ANO4: variants seen among roughly 807,000 people sequenced by gnomAD.
ANO4 encodes the protein anoctamin-4.
Under a neutral mutation model 141.9 loss-of-function variants are expected in ANO4, and 69 were observed. The ratio of observed to expected loss-of-function variants is 0.49; its 90% CI spans 0.40 to 0.59. ANO4 has a LOEUF of 0.59. Ranked by LOEUF, ANO4 falls within the 20% of genes least tolerant of loss-of-function variation. ANO4 has a pLI of 0.00. For missense variants in ANO4, 894 were observed against 1,162.2 expected, an observed-to-expected ratio of 0.77 and a Z score of 3.36; for synonymous variants, 350 against 394.3, an observed-to-expected ratio of 0.89 and a Z score of 1.33.
intron 3 of ANO4, among the ~76,000 whole-genome samples, chr12:100,789,389 A>G (rs1308935616): frequency 1.3e-5 from 2 of 152,212 alleles, no homozygotes; most frequent in Admixed American, 6.5e-5. Context: ...GGCTGCTTGC[A>G]TGGAATACCT....
chr12:100,982,515 G>A (rs2044515929), intron 7 of ANO4, among the ~76,000 whole-genome samples: 1 of 152,128 alleles, frequency 6.6e-6, no homozygotes, highest in Non-Finnish European at 1.5e-5. Context: ...CTTTTATTGG[G>A]AAAAGAGCAA....
chr12:101,127,018 A>C lies in ANO4; in HGVS notation c.2816A>C (p.Glu939Ala). The C allele has an allele frequency of 6.2e-7, 1 of 1,614,188 alleles. No individual in the cohort carries two copies. The highest frequency in any genetic ancestry group is 8.5e-7 in the Non-Finnish European group (1 of 1,180,026). Residue 939 changes from glutamate (E) to alanine (A), a missense_variant, in exon 27 of 28, where the codon GAA (glutamate) becomes GCA (alanine). This residue lies in a region of ANO4 where 637 missense variants were observed against 909.2 expected (regional missense o/e 0.70). Coordinates refer to ENST00000392977, the MANE Select transcript of ANO4 (RefSeq NM_001286615.2). Reference sequence around the variant, plus strand: ...GCAGAACTGGAACGTCTCCAGAAGGAACGAAAGGAGAGGAAGAAGAATGGA... The same window carrying C: ...GCAGAACTGGAACGTCTCCAGAAGGCACGAAAGGAGAGGAAGAAGAATGGA... ...YEAELERLQK[E>A]RKERKKNGKA... is the part of the protein sequence containing the mutation.
At chr12:100,983,601 G>C (rs1395364403) in intron 7 of ANO4, among the ~76,000 whole-genome samples, 2 of 152,150 alleles carry the variant, frequency 1.3e-5, no homozygotes, top group African/African-American at 4.8e-5. Context: ...GTCTTCCTCA[G>C]CTTCTAGAGG....
chr12:100,907,638 A>G (rs2040906582), intron 2 of ANO4, among the ~76,000 whole-genome samples: 1 of 152,250 alleles, frequency 6.6e-6, no homozygotes, highest in South Asian at 2.1e-4. Flanking sequence ...CTCAGCAGAT[A>G]TAGGTTAGCA....
chr12:100,748,672 T>C (rs2032224187), intron 3 of ANO4, among the ~76,000 whole-genome samples: 2 of 152,252 alleles, frequency 1.3e-5, no homozygotes, highest in Non-Finnish European at 2.9e-5. Flanking sequence ...AAAGTGATGA[T>C]TGGCATAGTT....
chr12:100,951,985 T>A (rs965076533), intron 5 of ANO4, among the ~76,000 whole-genome samples: 3 of 152,192 alleles, frequency 2.0e-5, no homozygotes, highest in African/African-American at 7.2e-5. Context: ...TTGTCACATG[T>A]CCTGGTGTGG....
chr12:101,084,409 C>T (rs1490814736), intron 16 of ANO4, among the ~76,000 whole-genome samples: 2 of 152,102 alleles, frequency 1.3e-5, no homozygotes, highest in African/African-American at 2.4e-5. Flanking sequence ...TCCTAAAAAG[C>T]AGTCTTAGTA....
chr12:100,867,036 A>G (rs2038786427), intron 1 of ANO4, among the ~76,000 whole-genome samples: 1 of 152,146 alleles, frequency 6.6e-6, no homozygotes, highest in South Asian at 2.1e-4. Context: ...GCAGTAAGCA[A>G]ATGGATCCCG....
At chr12:100,978,944 G>T (rs1051299964) in intron 7 of ANO4, among the ~76,000 whole-genome samples, 5 of 152,184 alleles carry the variant, frequency 3.3e-5, no homozygotes, top group Admixed American at 6.5e-5. Context: ...GAAGAGAGTG[G>T]TAATGCTAGA....
At chr12:100,726,966 C>A (rs1565840768) in intron 1 of ANO4, among the ~76,000 whole-genome samples, 1 of 151,436 alleles carries the variant, frequency 6.6e-6, no homozygotes, top group Non-Finnish European at 1.5e-5. Context: ...CGGGACCCCC[C>A]CCGCCCATTC....
At chr12:100,751,000 A>T (rs757304329) in intron 3 of ANO4, among the ~76,000 whole-genome samples, 96 of 152,144 alleles carry the variant, frequency 6.3e-4, no homozygotes, top group Non-Finnish European at 9.3e-4. Flanking sequence ...AGCTGTGATG[A>T]TGCACAAACA....
chr12:100,818,976 T>G (rs1019413623), intron 1 of ANO4, among the ~76,000 whole-genome samples: 1 of 151,742 alleles, frequency 6.6e-6, no homozygotes, highest in Non-Finnish European at 1.5e-5. Context: ...TCCCTATGTA[T>G]CTATCATTCT....
intron 26 of ANO4, among the ~76,000 whole-genome samples, chr12:101,123,199 G>A (rs2137067874): frequency 6.6e-6 from 1 of 152,272 alleles, no homozygotes; most frequent in South Asian, 2.1e-4. Context: ...AAAATATTAA[G>A]CTGCTCTTCC....
intron 1 of ANO4, among the ~76,000 whole-genome samples, chr12:100,824,634 T>C (rs1443835989): frequency 6.6e-6 from 1 of 152,012 alleles, no homozygotes; most frequent in Non-Finnish European, 1.5e-5. Flanking sequence ...CAGATGGGGA[T>C]GAAATCAGAT....
At chr12:100,898,181 C>T (rs2136015526) in intron 1 of ANO4, among the ~76,000 whole-genome samples, 1 of 152,232 alleles carries the variant, frequency 6.6e-6, no homozygotes, top group South Asian at 2.1e-4. Context: ...AGTGTGGTGC[C>T]TGACATTTAA....
chr12:100,935,937 A>C lies in ANO4; in HGVS notation c.161-3378A>C, dbSNP rs61327869. On this transcript the variant is annotated intron_variant, in intron 3 of 27. Coordinates refer to ENST00000392977, the MANE Select transcript of ANO4 (RefSeq NM_001286615.2). ...CAGTGATGAAATATGGATGAAGTGCACATACTTTTTATGCCTGTGGAGTGT... is the reference window on the plus strand; with the variant it reads ...CAGTGATGAAATATGGATGAAGTGCCCATACTTTTTATGCCTGTGGAGTGT... 7.0e-3 allele frequency among the ~76,000 whole-genome samples: 1,067 copies of C among 152,320 alleles called. 18 individuals are homozygous for C. The highest frequency in any genetic ancestry group is 0.024 in the African/African-American group (1,013 of 41,566).
In ANO4 at chr12:100,835,662, C is replaced by T. The variant is rs576395967; in HGVS notation, c.-141+40635C>T. 3.9e-5 allele frequency among the ~76,000 whole-genome samples: 6 copies of T among 152,198 alleles called. No homozygotes were observed. The East Asian group carries it at 5.8e-4, about 15-fold the overall frequency. On this transcript the variant is annotated intron_variant, in intron 1 of 27. Coordinates refer to ENST00000392977, the MANE Select transcript of ANO4 (RefSeq NM_001286615.2). ...TTGTGCTGTTTTTTCCCCATGTGGA[C>T]GGTTTTGTGCTTGTCTTTATACTTT...
In ANO4 at chr12:100,940,679, T is replaced by C. The variant is rs75791358; in HGVS notation, c.297+1228T>C. Among the ~76,000 whole-genome samples the C allele has an allele frequency of 6.2e-3, 941 of 152,312 alleles. 4 individuals carry two copies. The highest frequency in any genetic ancestry group is 0.011 in the Non-Finnish European group (770 of 68,020). ...TTTTCGATTAAGGTTTGTGCAAGAA[T>C]GTGGTTTCTAGCAATGGCCCTTCAG... On this transcript the variant is annotated intron_variant, in intron 4 of 27. Transcript: ENST00000392977.
At chr12:101,090,661 C>T (rs569747355) in intron 17 of ANO4, among the ~76,000 whole-genome samples, 28 of 151,964 alleles carry the variant, frequency 1.8e-4, no homozygotes, top group Admixed American at 3.9e-4. Context: ...GACGAGTTAA[C>T]GGGTGCAGCA....
Sources: allele counts gnomAD v4.1 joint callset (sites outside exome capture counted in the v4.1 genomes callset), GRCh38; gene constraint gnomAD v4.1.1; regional missense constraint gnomAD v4.1.1; transcripts MANE v1.5; gene names NCBI Gene and HGNC (gene_info 2026-07-23, HGNC 2026-07-21).